BDNF: variants seen among roughly 807,000 people sequenced by gnomAD.
The protein encoded by BDNF is brain derived neurotrophic factor, also known as neurotrophic factor BDNF precursor form.
BDNF carries 1 observed loss-of-function variant against 19.5 expected under a neutral mutation model. The ratio of observed to expected loss-of-function variants is 0.05; its 90% CI spans 0.02 to 0.24. The LOEUF (loss-of-function observed/expected upper bound fraction) is 0.24. BDNF is among the 10% of genes least tolerant of loss of function. The pLI is 1.00. For synonymous variants in BDNF, 100 were observed against 121.6 expected, an observed-to-expected ratio of 0.82 and a Z score of 1.17; for missense variants, 195 against 317.6, an observed-to-expected ratio of 0.61 and a Z score of 2.93.
Position 27,720,591 on chromosome 11 carries a change from C to G in BDNF, c.3+821G>C, listed in dbSNP as rs1236933401. ...AGTGTGAGCCGAACCTCAGAAAAGA[C>G]GCTTTTTAAGGGCGACACAGGGTTG... On this transcript the variant is annotated intron_variant, in intron 1 of 1. Transcript: ENST00000314915. 11 of 985,630 alleles carry G rather than the reference C, an allele frequency of 1.1e-5. No individual in the cohort carries two copies. The East Asian group carries it at 1.3e-3, about 112-fold the overall frequency. 61.1% of individuals were successfully genotyped at this position (985,630 alleles called of 1,614,324 possible).
chr11:27,720,288 A>T, intron 1 of BDNF: 1 of 976,764 alleles, frequency 1.0e-6, no homozygotes, highest in Non-Finnish European at 1.2e-6. Flanking sequence ...TCTCCGGAAG[A>T]CAGTATCAAA....
At chr11:27,720,514 G>A in intron 1 of BDNF, 1 of 985,860 alleles carries the variant, frequency 1.0e-6, no homozygotes, top group African/African-American at 1.7e-5. Context: ...ACTGGGGCTC[G>A]CTTTCCAAAC....
intron 1 of BDNF, among the ~76,000 whole-genome samples, chr11:27,717,860 AGTGT>A (rs56730757): frequency 0.04 from 5,855 of 147,484 alleles, 299 homozygotes; most frequent in African/African-American, 0.12. Context: ...TTACAAGTTG[AGTGT>A]GTGTGTGTGT....
At chr11:27,660,993 C>T (rs1853368448) in intron 1 of BDNF, among the ~76,000 whole-genome samples, 1 of 152,112 alleles carries the variant, frequency 6.6e-6, no homozygotes. Context: ...TTATTAATAA[C>T]TTTATGAGAA....
At chr11:27,701,473 T>C (rs538778936), upstream of BDNF, 1 of 990,656 alleles carries the variant, frequency 1.0e-6, no homozygotes, top group Non-Finnish European at 1.2e-6. Context: ...AGCAAAGAAG[T>C]TAAATTATTG....
At chr11:27,691,504 C>T (rs569694681) in intron 1 of BDNF, among the ~76,000 whole-genome samples, 4 of 152,168 alleles carry the variant, frequency 2.6e-5, no homozygotes, top group Non-Finnish European at 4.4e-5. Context: ...AAAACATACA[C>T]GCAAGAACAC....
intron 1 of BDNF, among the ~76,000 whole-genome samples, chr11:27,688,482 G>T (rs1857805332): frequency 6.6e-6 from 1 of 152,146 alleles, no homozygotes; most frequent in African/African-American, 2.4e-5. Context: ...CAGCTAACTG[G>T]GTGTCTGCCC....
chr11:27,681,263 A>G (rs574501555), intron 1 of BDNF, among the ~76,000 whole-genome samples: 18 of 152,202 alleles, frequency 1.2e-4, no homozygotes, highest in Non-Finnish European at 2.5e-4. Flanking sequence ...ACACAGGTAC[A>G]GGCTGGGGCT....
chr11:27,701,469 G>T, upstream of BDNF: 2 of 991,316 alleles, frequency 2.0e-6, no homozygotes, highest in South Asian at 9.1e-5. Flanking sequence ...CTGCAGCAAA[G>T]AAGTTAAATT....
intron 1 of BDNF, chr11:27,677,194 G>A (rs994157344): frequency 2.6e-5 from 4 of 152,192 alleles, no homozygotes; most frequent in Non-Finnish European, 4.4e-5. Flanking sequence ...TCTGTTTGAT[G>A]AGGCTATGGA....
At chr11:27,692,746 A>G (rs1858473126) in intron 1 of BDNF, among the ~76,000 whole-genome samples, 1 of 152,208 alleles carries the variant, frequency 6.6e-6, no homozygotes, top group Admixed American at 6.5e-5. Flanking sequence ...ACTACCATGT[A>G]GAGTATCTAA....
chr11:27,694,046 A>T (rs2134036916), intron 1 of BDNF, among the ~76,000 whole-genome samples: 1 of 152,166 alleles, frequency 6.6e-6, no homozygotes. Context: ...AAACAATATG[A>T]CTTTCTTTGG....
At chr11:27,691,557 T>C (rs1858294862) in intron 1 of BDNF, among the ~76,000 whole-genome samples, 1 of 152,136 alleles carries the variant, frequency 6.6e-6, no homozygotes, top group Non-Finnish European at 1.5e-5. Context: ...GAGATGTAAA[T>C]ATTAAACTGT....
chr11:27,682,441 G>A (rs1856961459), intron 1 of BDNF, among the ~76,000 whole-genome samples: 1 of 150,362 alleles, frequency 6.7e-6, no homozygotes, highest in Admixed American at 6.6e-5. Flanking sequence ...TAAGTTCTGG[G>A]GTACATGTGC....
chr11:27,713,411 C>T (rs1375008329), intron 1 of BDNF, among the ~76,000 whole-genome samples: 2 of 152,150 alleles, frequency 1.3e-5, no homozygotes, highest in Admixed American at 6.5e-5. Flanking sequence ...TTTTTTCCCA[C>T]ATTCTCTTTC....
intron 1 of BDNF, among the ~76,000 whole-genome samples, chr11:27,706,304 T>C (rs1186387346): frequency 6.6e-6 from 1 of 152,222 alleles, no homozygotes; most frequent in Non-Finnish European, 1.5e-5. Flanking sequence ...GAAGGGATCT[T>C]AAGAGATTAT....
intron 1 of BDNF, chr11:27,674,215 A>G: frequency 6.2e-7 from 1 of 1,601,098 alleles, no homozygotes; most frequent in Non-Finnish European, 8.5e-7. Context: ...TTCTGTAGAA[A>G]CTCAGCATTC....
At chr11:27,660,307 C>G (rs1229051193) in intron 1 of BDNF, 1 of 1,026,084 alleles carries the variant, frequency 9.7e-7, no homozygotes, top group Non-Finnish European at 1.3e-6. Context: ...TAGATTTACT[C>G]TCACTTTGCA....
rs1054408616 is a variant in BDNF at position 27,656,960 on chromosome 11, G to C, written c.*861C>G. Reference sequence around the variant, plus strand: ...ACAAAGAGGAGACCAGAGGGGGAGGGGGGGAAAGAATGTGTTCTGAGCAAA... The same window carrying C: ...ACAAAGAGGAGACCAGAGGGGGAGGCGGGGAAAGAATGTGTTCTGAGCAAA... On this transcript the variant is annotated 3_prime_UTR_variant, in exon 2 of 2. Coordinates refer to ENST00000356660, the MANE Select transcript of BDNF (RefSeq NM_001709.5). 4.1e-6 allele frequency: 4 copies of C among 985,148 alleles called. No homozygotes were observed. Among genetic ancestry groups the C allele is most frequent in the Non-Finnish European group, 3.6e-6 (3 of 829,942 alleles). 61.0% of individuals were successfully genotyped at this position (985,148 alleles called of 1,614,324 possible).
Sources: gnomAD v4.1 joint callset for allele counts (sites outside exome capture counted in the v4.1 genomes callset) on GRCh38, gnomAD v4.1.1 for gene constraint, MANE v1.5 for transcripts, NCBI Gene and HGNC (gene_info 2026-07-23, HGNC 2026-07-21) for gene names.